The following RAB40C variants were observed in gnomAD, a reference collection of about 807,000 sequenced individuals.
RAB40C encodes ras-related protein Rab-40C.
In RAB40C, 8 loss-of-function variants were observed where a neutral mutation model predicts 28.1. The observed-to-expected ratio is 0.28, with a 90% CI of 0.17 to 0.51. The LOEUF (loss-of-function observed/expected upper bound fraction) is 0.51, where lower values mean the gene tolerates loss of function less well. RAB40C is among the 20% of genes least tolerant of loss of function. The pLI is 0.97. For missense variants in RAB40C, 288 were observed against 405.9 expected (o/e 0.71, Z 2.50); for synonymous variants, 201 against 171.7 (o/e 1.17, Z -1.34).
At chr16:625,823 T>C in intron 4 of RAB40C, 76 bp from the exon 5 acceptor site, 1 of 1,362,706 alleles carries the variant, frequency 7.3e-7, no homozygotes. Context: ...GTCCAGACAA[T>C]GAGGGCGGGC....
At chr16:623,497 CA>C (rs1260274437) in intron 3 of RAB40C, among the ~76,000 whole-genome samples, 1 of 151,686 alleles carries the variant, frequency 6.6e-6, no homozygotes, top group African/African-American at 2.4e-5. Context: ...AAAAAAAATA[CA>C]AAAAAATTAG....
chr16:618,211 G>A lies in RAB40C; in HGVS notation c.215G>A (p.Gly72Asp). 1 of 1,613,564 alleles carries A rather than the reference G, an allele frequency of 6.2e-7. No homozygotes were observed. Among genetic ancestry groups the A allele is most frequent in the East Asian group, 2.2e-5 (1 of 44,870 alleles). ...RVKLELWDTS[G>D]QGRFCTIFRS... ...CCCGTATGTTTCAGGGACACGTCGG[G>A]CCAGGGCCGGTTCTGCACCATCTTC... is the stretch of plus-strand genomic sequence containing the variant. The change falls in exon 3 of 6, where the codon GGC becomes GAC. Residue 72 changes from glycine to aspartate, a missense_variant. By Grantham distance (94) the Gly-to-Asp change is moderately conservative. This residue lies in a region of RAB40C where 153 missense variants were observed against 262.4 expected (regional missense o/e 0.58). Coordinates refer to ENST00000248139, the MANE Select transcript of RAB40C (RefSeq NM_021168.5).
chr16:600,230 G>T (rs1208413342), intron 1 of RAB40C, among the ~76,000 whole-genome samples: 1 of 152,254 alleles, frequency 6.6e-6, no homozygotes, highest in Non-Finnish European at 1.5e-5. Context: ...TCCAGCAGAT[G>T]TGGGTCCTGC....
chr16:607,768 G>A (rs2151068925), intron 1 of RAB40C, among the ~76,000 whole-genome samples: 1 of 152,334 alleles, frequency 6.6e-6, no homozygotes, highest in South Asian at 2.1e-4. Flanking sequence ...TCCAGCCTGG[G>A]CGACAGAGCA....
chr16:627,786 C>T lies in RAB40C; in HGVS notation c.*164C>T, dbSNP rs1263301219. On this transcript the variant is annotated 3_prime_UTR_variant, in exon 6 of 6. Transcript: ENST00000248139. ...AGCCGGGTGCGAGGAGGAGCATGCA[C>T]GGACCAAGCGCGGCAGGCGGGAGGA... 7 of 855,042 alleles carry T rather than the reference C, an allele frequency of 8.2e-6. No individual in the cohort carries two copies. Among genetic ancestry groups the T allele is most frequent in the South Asian group, 5.3e-5 (2 of 37,918 alleles). 53.0% of individuals were successfully genotyped at this position (855,042 alleles called of 1,614,324 possible).
At chr16:595,803 G>A (rs1237807259) in intron 1 of RAB40C, among the ~76,000 whole-genome samples, 1 of 152,030 alleles carries the variant, frequency 6.6e-6, no homozygotes, top group African/African-American at 2.4e-5. Context: ...GGGTTTCACT[G>A]TGTTGGCCAG....
At position 610,612 on chromosome 16, in the gene RAB40C, C is replaced by T. The variant is rs938684504; in HGVS notation, c.143-6596C>T. Among the ~76,000 whole-genome samples, 3 of 152,182 alleles carry T rather than the reference C, an allele frequency of 2.0e-5. No individual in the cohort carries two copies. Reference sequence around the variant, plus strand: ...GTCACAGCTGATGCCTAGGGACCCCCTTATGGGGTAGTGTTGAGCTCTGCA... The same window carrying T: ...GTCACAGCTGATGCCTAGGGACCCCTTTATGGGGTAGTGTTGAGCTCTGCA... On this transcript the variant is annotated intron_variant, in intron 1 of 5. Transcript: ENST00000248139. This position sits in a 1 kb window ranked among gnomAD's most constrained non-coding sequence, Gnocchi z 4.6.
chr16:598,827 G>A (rs989529881), intron 1 of RAB40C, among the ~76,000 whole-genome samples: 12 of 152,234 alleles, frequency 7.9e-5, no homozygotes, highest in Non-Finnish European at 1.8e-4. Flanking sequence ...TTGTACAGCG[G>A]CCGGATGTAA....
chr16:619,975 C>G (rs2036678440), intron 3 of RAB40C, among the ~76,000 whole-genome samples: 1 of 152,232 alleles, frequency 6.6e-6, no homozygotes, highest in South Asian at 2.1e-4. Context: ...CTCATGGGAG[C>G]AGAAGGGCCT....
intron 3 of RAB40C, among the ~76,000 whole-genome samples, chr16:618,560 G>A (rs2036638774): frequency 6.6e-6 from 1 of 152,228 alleles, no homozygotes; most frequent in Non-Finnish European, 1.5e-5. Flanking sequence ...GGAGCTGTGT[G>A]TGTGCACAGG....
chr16:620,674 C>T (rs1421311835), intron 3 of RAB40C, among the ~76,000 whole-genome samples: 1 of 86,386 alleles, frequency 1.2e-5, no homozygotes, highest in Non-Finnish European at 2.3e-5. Flanking sequence ...CGGGCTCCAC[C>T]GCGGGCATCC....
intron 2 of RAB40C, among the ~76,000 whole-genome samples, chr16:617,925 T>C (rs1304299782): frequency 6.6e-6 from 1 of 152,046 alleles, no homozygotes; most frequent in Admixed American, 6.5e-5. Flanking sequence ...TTCCCCAGCC[T>C]GGCAGGACAG....
At chr16:624,037 G>A (rs184116083) in intron 3 of RAB40C, 1 of 985,446 alleles carries the variant, frequency 1.0e-6, no homozygotes, top group Admixed American at 6.1e-5. Flanking sequence ...TACATGCACT[G>A]CTGCTGTCTT....
At chr16:624,701 G>A (rs2151081179) in intron 3 of RAB40C, 1 of 985,456 alleles carries the variant, frequency 1.0e-6, no homozygotes, top group Middle Eastern at 5.2e-4. Context: ...GGATCTGGTT[G>A]CAGAATTGTA....
Position 603,516 on chromosome 16 carries a change from T to C in RAB40C, c.142+13083T>C, listed in dbSNP as rs118101930. On this transcript the variant is annotated intron_variant, in intron 1 of 5. Transcript: ENST00000248139. The stretch of plus-strand genomic sequence containing the variant: ...AGTGCCTTCACATCTGGCTCTGATA[T>C]GTGTTCAGGCTGTCTTGTAGGGTAA... Among the ~76,000 whole-genome samples the C allele has an allele frequency of 9.3e-3, 1,421 of 152,290 alleles. 12 individuals are homozygous for C. The highest frequency in any genetic ancestry group is 0.016 in the Non-Finnish European group (1,075 of 68,022).
At chr16:597,566 C>T (rs1001253015) in intron 1 of RAB40C, among the ~76,000 whole-genome samples, 2 of 151,832 alleles carry the variant, frequency 1.3e-5, no homozygotes, top group Admixed American at 1.3e-4. Context: ...TCGCTGCAAC[C>T]TCTTGAGCCT....
In RAB40C at chr16:613,285, T is replaced by C. The variant is rs71378527; in HGVS notation, c.143-3923T>C. ...CTGTAGCATCAAGAGCAGGGACAGC[T>C]GCCCTTGCTTGTAGAATCAAGAGCA... On this transcript the variant is annotated intron_variant, in intron 1 of 5. Transcript: ENST00000248139. Among the ~76,000 whole-genome samples, 31 of 137,796 alleles carry C rather than the reference T, an allele frequency of 2.2e-4. No homozygotes were observed. The South Asian group carries it at 2.5e-3, about 11-fold the overall frequency. The allele number at this position is 137,796 out of a possible 152,430, so 90.4% of individuals were successfully genotyped here.
At chr16:616,114 G>A (rs1345093799) in intron 1 of RAB40C, among the ~76,000 whole-genome samples, 3 of 151,844 alleles carry the variant, frequency 2.0e-5, no homozygotes, top group Non-Finnish European at 2.9e-5. Context: ...AAAATTATCC[G>A]GGCATGGTGG....
In RAB40C at chr16:617,317, C is replaced by T. The variant is rs201851102; in HGVS notation, c.203+49C>T. On this transcript the variant is annotated intron_variant, in intron 2 of 5. Coordinates refer to ENST00000248139, the MANE Select transcript of RAB40C (RefSeq NM_021168.5). ...AGTTCCTGGGTGAGGACACAAATGC[C>T]GAAGGGAGAACAGAACCCTTAGAGA... The T allele has an allele frequency of 1.2e-5, 20 of 1,602,492 alleles. 1 individual carries two copies. The Admixed American group carries it at 2.2e-4, about 17-fold the overall frequency.
Sources: gnomAD v4.1 joint callset for allele counts (sites outside exome capture counted in the v4.1 genomes callset) on GRCh38, gnomAD v4.1.1 for gene constraint, gnomAD v4.1.1 regional missense constraint, Gnocchi (gnomAD v3.1) non-coding constraint, MANE v1.5 for transcripts, NCBI Gene and HGNC (gene_info 2026-07-23, HGNC 2026-07-21) for gene names.